The following TPP2 variants were observed in gnomAD, a reference collection of about 807,000 sequenced individuals.
TPP2 encodes the protein tripeptidyl-peptidase 2.
Under a neutral mutation model 155.9 loss-of-function variants are expected in TPP2, and 34 were observed. The ratio of observed to expected loss-of-function variants is 0.22; its 90% CI spans 0.17 to 0.29. The LOEUF (loss-of-function observed/expected upper bound fraction) is 0.29, where lower values mean the gene tolerates loss of function less well. Among genes scored for constraint, TPP2 ranks in the 10% least tolerant of loss-of-function variants. TPP2 has a pLI of 1.00. For missense variants in TPP2, 1,028 were observed against 1,522.3 expected, an observed-to-expected ratio of 0.68 and a Z score of 5.40; for synonymous variants, 510 against 529.4, an observed-to-expected ratio of 0.96 and a Z score of 0.50.
chr13:102,644,265 G>A (rs543016262), intron 17 of TPP2, among the ~76,000 whole-genome samples: 197 of 152,102 alleles, frequency 1.3e-3, no homozygotes, highest in Non-Finnish European at 2.4e-3. Flanking sequence ...ATTTCACTTC[G>A]AAATAATAAA....
intron 27 of TPP2, among the ~76,000 whole-genome samples, chr13:102,670,178 G>GC (rs71125094): frequency 3.3e-5 from 5 of 150,680 alleles, no homozygotes; most frequent in African/African-American, 9.8e-5. Flanking sequence ...GGGTGGGGGG[G>GC]TGTGGCGGTG....
chr13:102,663,546 A>C, intron 25 of TPP2, 102 bp from the exon 26 acceptor site: 1 of 760,026 alleles, frequency 1.3e-6, no homozygotes, highest in South Asian at 2.3e-5. Context: ...TTAATGTCTT[A>C]TTTTATTGGC....
Position 102,678,413 on chromosome 13 carries a change from A to G in TPP2, c.*97A>G. ...CATTTTTAGTCTAATGCATGTTTTC[A>G]TCCACTATCCAGTACTGATTATTAA... On this transcript the variant is annotated 3_prime_UTR_variant, in exon 30 of 30. Transcript: ENST00000376052. 1 of 967,818 alleles carries G rather than the reference A, an allele frequency of 1.0e-6. No homozygotes were observed. 60.0% of individuals were successfully genotyped at this position (967,818 alleles called of 1,614,324 possible).
At chr13:102,636,938 G>A in intron 13 of TPP2, 144 bp from the exon 14 acceptor site, 2 of 736,064 alleles carry the variant, frequency 2.7e-6, no homozygotes, top group Non-Finnish European at 4.3e-6. Context: ...AAGATTATTT[G>A]ACTGTTTTAT....
intron 29 of TPP2, 55 bp from the exon 30 acceptor site, chr13:102,678,172 A>G: frequency 6.6e-7 from 1 of 1,505,278 alleles, no homozygotes; most frequent in Non-Finnish European, 9.1e-7. Context: ...CTAAATACTG[A>G]GCTTAAAAAT....
intron 28 of TPP2, among the ~76,000 whole-genome samples, chr13:102,676,080 A>AAC (rs1217572667): frequency 7.2e-5 from 11 of 152,246 alleles, no homozygotes; most frequent in Non-Finnish European, 1.3e-4. Flanking sequence ...TTCTCATATT[A>AAC]GTTTTCTTCC....
intron 13 of TPP2, 67 bp downstream of exon 13, chr13:102,636,459 A>G: frequency 6.6e-7 from 1 of 1,524,074 alleles, no homozygotes; most frequent in South Asian, 1.3e-5. Flanking sequence ...GTATCATAAT[A>G]AAGAATTGCT....
intron 8 of TPP2, among the ~76,000 whole-genome samples, chr13:102,629,076 C>T (rs1283285329): frequency 6.6e-6 from 1 of 152,146 alleles, no homozygotes; most frequent in African/African-American, 2.4e-5. Context: ...TTCCTAGTGC[C>T]TTAGTTACCT....
chr13:102,639,357 A>C (rs1368586463), intron 15 of TPP2, among the ~76,000 whole-genome samples: 1 of 152,202 alleles, frequency 6.6e-6, no homozygotes, highest in Non-Finnish European at 1.5e-5. Flanking sequence ...TGAGAAACAC[A>C]GGATGAAATT....
rs762949239 is a variant in TPP2, at chr13:102,657,101, A to T, written c.3037A>T (p.Thr1013Ser). The change falls in exon 25 of 30, where the codon ACT (threonine) becomes TCT (serine). Residue 1013 changes from threonine (T) to serine (S), a missense_variant. Thr to Ser is a moderately conservative substitution (Grantham distance 58). This residue lies in a region of TPP2 where 179 missense variants were observed against 274.7 expected (regional missense o/e 0.65). Coordinates refer to ENST00000376052, the MANE Select transcript of TPP2 (RefSeq NM_001330588.2). The part of the protein sequence containing the change: ...HYYLIPPPTK[T>S]KNGSKDKEKD... Reference sequence around the variant, plus strand: ...CTACTTAATACCTCCACCAACAAAGACTAAGAATGGCAGCAAAGATAAGGA... The same window carrying T: ...CTACTTAATACCTCCACCAACAAAGTCTAAGAATGGCAGCAAAGATAAGGA... 1.3e-6 allele frequency: 2 copies of T among 1,590,480 alleles called. No individual in the cohort carries two copies. Among genetic ancestry groups the T allele is most frequent in the Admixed American group, 1.8e-5 (1 of 54,242 alleles).
At chr13:102,648,554 G>A (rs922761665) in intron 21 of TPP2, among the ~76,000 whole-genome samples, 3 of 151,802 alleles carry the variant, frequency 2.0e-5, no homozygotes, top group Non-Finnish European at 4.4e-5. Context: ...CCATGAACTA[G>A]AAAATCACTG....
Position 102,637,221 on chromosome 13 carries a change from A to G in TPP2, c.1818A>G (p.Glu606=), listed in dbSNP as rs752436726. 2 of 1,605,036 alleles carry G rather than the reference A, an allele frequency of 1.2e-6. No individual in the cohort carries two copies. The highest frequency in any genetic ancestry group is 1.7e-6 in the Non-Finnish European group (2 of 1,178,674). Residue 606 remains glutamate, a synonymous_variant, in exon 14 of 30, where the codon GAA becomes GAG. Transcript: ENST00000376052. ...GTGTGGATCCCAGGGGCTTAAGAGA[A>G]GGATTGCATTATACAGAGGTATTGA... The part of the protein sequence containing the change: ...NIRVDPRGLR[E]GLHYTEVCGY...
intron 27 of TPP2, among the ~76,000 whole-genome samples, chr13:102,672,503 C>A (rs574840276): frequency 6.6e-6 from 1 of 152,288 alleles, no homozygotes; most frequent in East Asian, 1.9e-4. Context: ...CAAAACCTCG[C>A]GGCCTTCCAA....
At chr13:102,645,902 G>A (rs555496306) in intron 19 of TPP2, among the ~76,000 whole-genome samples, 2 of 152,324 alleles carry the variant, frequency 1.3e-5, no homozygotes, top group African/African-American at 4.8e-5. Context: ...GGGGTCTGGG[G>A]AGGTCTGTGC....
intron 27 of TPP2, among the ~76,000 whole-genome samples, chr13:102,669,932 T>A (rs1008442602): frequency 6.6e-6 from 1 of 152,124 alleles, no homozygotes; most frequent in Non-Finnish European, 1.5e-5. Flanking sequence ...AGAGTGGACT[T>A]AATAAGGGCT....
chr13:102,635,532 G>A (rs1882312087), intron 11 of TPP2, 55 bp from the exon 12 acceptor site: 1 of 1,320,750 alleles, frequency 7.6e-7, no homozygotes, highest in Non-Finnish European at 1.1e-6. Context: ...CTGGTGGGCG[G>A]CTAAGGTTTC....
At chr13:102,670,626 A>G (rs1353544282) in intron 27 of TPP2, among the ~76,000 whole-genome samples, 1 of 152,114 alleles carries the variant, frequency 6.6e-6, no homozygotes, top group Non-Finnish European at 1.5e-5. Flanking sequence ...TATTTCCTCA[A>G]TTTCCCTTTT....
intron 1 of TPP2, among the ~76,000 whole-genome samples, chr13:102,602,487 G>A (rs532772857): frequency 6.6e-6 from 1 of 152,058 alleles, no homozygotes; most frequent in Non-Finnish European, 1.5e-5. Context: ...TACCATACAT[G>A]AAAATAACAG....
chr13:102,619,661 A>T (rs116956223), intron 5 of TPP2, among the ~76,000 whole-genome samples: 34 of 152,266 alleles, frequency 2.2e-4, no homozygotes, highest in African/African-American at 4.6e-4. Context: ...CTCATCTTTC[A>T]TCAAAGGTGT....
Sources: gnomAD v4.1 joint callset for allele counts (sites outside exome capture counted in the v4.1 genomes callset) on GRCh38, gnomAD v4.1.1 for gene constraint, gnomAD v4.1.1 regional missense constraint, MANE v1.5 for transcripts, NCBI Gene and HGNC (gene_info 2026-07-23, HGNC 2026-07-21) for gene names.